The following FER variants were observed in gnomAD, a reference collection of about 807,000 sequenced individuals.
FER encodes tyrosine-protein kinase Fer.
Under a neutral mutation model 111.0 loss-of-function variants are expected in FER, and 63 were observed. The ratio of observed to expected loss-of-function variants is 0.57; its 90% confidence interval spans 0.46 to 0.70. The LOEUF (loss-of-function observed/expected upper bound fraction) is 0.70, where lower values mean the gene tolerates loss of function less well. Ranked by LOEUF, FER falls within the 30% of genes least tolerant of loss-of-function variation. The pLI is 0.00. For missense variants in FER, 914 were observed against 954.0 expected (o/e 0.96, Z 0.55); for synonymous variants, 327 against 313.9 (o/e 1.04, Z -0.44).
intron 11 of FER, among the ~76,000 whole-genome samples, chr5:108,947,232 T>C (rs1368080999): frequency 6.6e-6 from 1 of 152,074 alleles, no homozygotes; most frequent in South Asian, 2.1e-4. Flanking sequence ...TTCTGGGTTA[T>C]ATGGTAATAA....
chr5:108,838,270 T>A (rs1760875252), intron 5 of FER, among the ~76,000 whole-genome samples: 1 of 152,172 alleles, frequency 6.6e-6, no homozygotes, highest in South Asian at 2.1e-4. Context: ...ATGGGCCAGA[T>A]TAGGACACTT....
intron 13 of FER, among the ~76,000 whole-genome samples, chr5:109,020,473 A>G (rs1767777242): frequency 6.6e-6 from 1 of 151,996 alleles, no homozygotes; most frequent in Non-Finnish European, 1.5e-5. Context: ...TTTAATAAAA[A>G]GAAATATTCC....
intron 9 of FER, among the ~76,000 whole-genome samples, chr5:108,893,074 T>C (rs1164165843): frequency 2.6e-5 from 4 of 152,176 alleles, no homozygotes; most frequent in Non-Finnish European, 2.9e-5. Flanking sequence ...ACTGTAGCCT[T>C]GTAGTATAGT....
intron 3 of FER, among the ~76,000 whole-genome samples, chr5:108,801,474 G>T (rs1354470611): frequency 3.9e-5 from 6 of 152,192 alleles, no homozygotes; most frequent in African/African-American, 1.4e-4. Flanking sequence ...AATATCCCCA[G>T]TAGATGCCTG....
intron 16 of FER, among the ~76,000 whole-genome samples, chr5:109,071,296 A>T (rs1214325168): frequency 5.3e-5 from 8 of 151,982 alleles, no homozygotes; most frequent in Admixed American, 5.2e-4. Flanking sequence ...ATGTCCATGG[A>T]AATGTTTTGC....
intron 16 of FER, among the ~76,000 whole-genome samples, chr5:109,055,026 TAC>T (rs2149942245): frequency 6.6e-6 from 1 of 152,306 alleles, no homozygotes; most frequent in South Asian, 2.1e-4. Context: ...TCCAAACATA[TAC>T]AGTCAACTAA....
intron 17 of FER, among the ~76,000 whole-genome samples, chr5:109,152,090 G>A (rs1413760007): frequency 6.6e-6 from 1 of 152,052 alleles, no homozygotes; most frequent in Non-Finnish European, 1.5e-5. Flanking sequence ...AAATTTGCCT[G>A]TACATTTATA....
chr5:108,863,021 G>A (rs1034280533), intron 5 of FER, among the ~76,000 whole-genome samples: 4 of 152,204 alleles, frequency 2.6e-5, no homozygotes, highest in African/African-American at 9.6e-5. Context: ...TCAGCTCCAT[G>A]TAGGAGCCTC....
At chr5:108,807,241 C>T (rs549079582) in intron 3 of FER, among the ~76,000 whole-genome samples, 33 of 152,296 alleles carry the variant, frequency 2.2e-4, no homozygotes, top group South Asian at 6.2e-4. Context: ...TCCCCAGCCA[C>T]GTGGAACTGT....
intron 13 of FER, among the ~76,000 whole-genome samples, chr5:109,010,390 C>T (rs1221743730): frequency 6.6e-6 from 1 of 151,886 alleles, no homozygotes; most frequent in Non-Finnish European, 1.5e-5. Context: ...ATCTCCTGAC[C>T]TCGTGATCCG....
At chr5:109,088,614 T>G (rs1777822703) in intron 16 of FER, among the ~76,000 whole-genome samples, 1 of 152,140 alleles carries the variant, frequency 6.6e-6, no homozygotes, top group Admixed American at 6.5e-5. Context: ...TTTTCTTACA[T>G]AGCCAGTAAT....
intron 10 of FER, among the ~76,000 whole-genome samples, chr5:108,918,578 C>G (rs988444714): frequency 3.3e-5 from 5 of 151,672 alleles, no homozygotes; most frequent in Admixed American, 2.6e-4. Context: ...GCTCCGCCTC[C>G]CGGGTTCACA....
intron 17 of FER, among the ~76,000 whole-genome samples, chr5:109,156,646 A>G (rs986972261): frequency 6.6e-6 from 1 of 151,976 alleles, no homozygotes; most frequent in African/African-American, 2.4e-5. Flanking sequence ...GGGGAACATC[A>G]ATGTTTAAGG....
chr5:109,150,945 G>A (rs59616337), intron 17 of FER, among the ~76,000 whole-genome samples: 46,390 of 151,890 alleles, frequency 0.31, 7,303 homozygotes, highest in Non-Finnish European at 0.34. Flanking sequence ...AATCAAAGTG[G>A]TATTTAATAC....
intron 16 of FER, among the ~76,000 whole-genome samples, chr5:109,092,541 A>G (rs1217610164): frequency 1.3e-5 from 2 of 152,146 alleles, no homozygotes; most frequent in African/African-American, 4.8e-5. Flanking sequence ...GGACAATGCA[A>G]TCAAAACCAC....
intron 13 of FER, among the ~76,000 whole-genome samples, chr5:108,963,613 A>T (rs571278730): frequency 6.6e-4 from 101 of 152,268 alleles, no homozygotes; most frequent in African/African-American, 2.4e-3. Flanking sequence ...GGCAGAGGGC[A>T]ATTAATTTGA....
chr5:108,941,373 A>G (rs1239394963), intron 10 of FER, among the ~76,000 whole-genome samples: 1 of 152,182 alleles, frequency 6.6e-6, no homozygotes, highest in Non-Finnish European at 1.5e-5. Context: ...TGTCTGGCCT[A>G]CAATCAAAGA....
At chr5:109,147,897 GTTTGTTCTT>G (rs1754418091) in intron 17 of FER, among the ~76,000 whole-genome samples, 1 of 151,364 alleles carries the variant, frequency 6.6e-6, no homozygotes, top group Non-Finnish European at 1.5e-5. Context: ...TTCCAAATAA[GTTTGTTCTT>G]TTTTTCCATT....
intron 1 of FER, among the ~76,000 whole-genome samples, chr5:108,766,719 A>G (rs1752360835): frequency 6.6e-6 from 1 of 152,200 alleles, no homozygotes; most frequent in Admixed American, 6.5e-5. Context: ...ATGTCATCTG[A>G]TTGATGTGAA....
Sources: gnomAD v4.1 joint callset for allele counts (sites outside exome capture counted in the v4.1 genomes callset) on GRCh38, gnomAD v4.1.1 for gene constraint, MANE v1.5 for transcripts, NCBI Gene and HGNC (gene_info 2026-07-23, HGNC 2026-07-21) for gene names.